SACM1L: variants seen among roughly 807,000 people sequenced by gnomAD.
SACM1L encodes the protein SAC1 like phosphatidylinositide phosphatase, also known as phosphatidylinositol-3-phosphatase SAC1.
SACM1L carries 32 observed loss-of-function variants against 89.5 expected under a neutral mutation model. The ratio of observed to expected loss-of-function variants is 0.36; its 90% CI spans 0.27 to 0.48. The LOEUF (loss-of-function observed/expected upper bound fraction) is 0.48. Among genes scored for constraint, SACM1L ranks in the 20% least tolerant of loss-of-function variants. The pLI, the probability that SACM1L is intolerant of heterozygous loss-of-function variation, is 0.99. For missense variants in SACM1L, 543 were observed against 708.5 expected (o/e 0.77, Z 2.65); for synonymous variants, 213 against 232.8 (o/e 0.92, Z 0.77).
rs1697909241 is a variant in SACM1L at position 45,689,405 on chromosome 3, G to T, written c.-61G>T. Reference sequence around the variant, plus strand: ...TGCCAGGGTGACCGGTAGAGTTGTAGCCGAGGTGGCGGCGCGGGGCGGGGC... The same window carrying T: ...TGCCAGGGTGACCGGTAGAGTTGTATCCGAGGTGGCGGCGCGGGGCGGGGC... On this transcript the variant is annotated 5_prime_UTR_variant, in exon 1 of 20. Coordinates refer to ENST00000389061, the MANE Select transcript of SACM1L (RefSeq NM_014016.5). The T allele has an allele frequency of 7.1e-6, 11 of 1,551,636 alleles. No homozygotes were observed. The highest frequency in any genetic ancestry group is 1.2e-5 in the South Asian group (1 of 84,246).
intron 11 of SACM1L, among the ~76,000 whole-genome samples, chr3:45,727,969 A>G (rs1457110340): frequency 1.3e-5 from 2 of 152,138 alleles, no homozygotes; most frequent in African/African-American, 2.4e-5. Flanking sequence ...TCAGGCGGTC[A>G]TGGTTTGTTG....
At chr3:45,717,414 G>T (rs908470676) in intron 7 of SACM1L, among the ~76,000 whole-genome samples, 1 of 152,182 alleles carries the variant, frequency 6.6e-6, no homozygotes, top group Non-Finnish European at 1.5e-5. Flanking sequence ...GGTTGCATGT[G>T]ATGAAACTAA....
At position 45,739,664 on chromosome 3, in the gene SACM1L, T is replaced by C. The variant is rs1331609177; in HGVS notation, c.1627+20T>C. 1 of 1,611,462 alleles carries C rather than the reference T, an allele frequency of 6.2e-7. No individual in the cohort carries two copies. The highest frequency in any genetic ancestry group is 8.5e-7 in the Non-Finnish European group (1 of 1,177,788). On this transcript the variant is annotated intron_variant, in intron 19 of 19. Coordinates refer to ENST00000389061, the MANE Select transcript of SACM1L (RefSeq NM_014016.5). ...TGGCTGGTAAGTCTGCTCCACACAT[T>C]TGTTTCTTAGTTAGAATGTTGACCT... is the stretch of plus-strand genomic sequence containing the variant.
chr3:45,721,889 C>T lies in SACM1L; in HGVS notation c.680-111C>T, dbSNP rs1211338716. On this transcript the variant is annotated intron_variant, in intron 8 of 19. Coordinates refer to ENST00000389061, the MANE Select transcript of SACM1L (RefSeq NM_014016.5). ...GAATTGTATTTTCATAATGACTTTT[C>T]CACTAACTTGAACTGACTTAATTCT... 5.9e-6 allele frequency: 4 copies of T among 674,448 alleles called. No individual in the cohort carries two copies. In the African/African-American group the frequency reaches 7.5e-5, roughly 13 times the overall value. The allele number at this position is 674,448 out of a possible 1,614,324, so 41.8% of individuals were successfully genotyped here. A position where few individuals can be genotyped will look rare whatever the true frequency, so the allele number is the denominator to read the frequency against.
intron 7 of SACM1L, among the ~76,000 whole-genome samples, chr3:45,719,066 A>G (rs746955275): frequency 3.3e-5 from 5 of 152,124 alleles, no homozygotes; most frequent in Admixed American, 6.5e-5. Context: ...ATTTATAATT[A>G]TGTGTCATGC....
intron 4 of SACM1L, among the ~76,000 whole-genome samples, chr3:45,707,959 A>G (rs1441452749): frequency 1.3e-5 from 2 of 152,140 alleles, no homozygotes; most frequent in Non-Finnish European, 2.9e-5. Flanking sequence ...AGTGTGCTAA[A>G]TATTAGTTTT....
intron 1 of SACM1L, among the ~76,000 whole-genome samples, chr3:45,693,660 A>G (rs11707239): frequency 0.12 from 18,103 of 152,200 alleles, 1,093 homozygotes; most frequent in East Asian, 0.14. Context: ...TCATTGCATT[A>G]TCCATATGAC....
At chr3:45,703,556 G>A in intron 2 of SACM1L, 21 bp downstream of exon 2, 1 of 1,477,340 alleles carries the variant, frequency 6.8e-7, no homozygotes, top group Non-Finnish European at 9.4e-7. Context: ...GCCAGATTTA[G>A]AAGTTTAGGG....
chr3:45,692,067 T>G (rs1698006371), intron 1 of SACM1L, among the ~76,000 whole-genome samples: 1 of 152,212 alleles, frequency 6.6e-6, no homozygotes, highest in Admixed American at 6.5e-5. Flanking sequence ...AGCTTCAAAC[T>G]TGGGTGTTAT....
chr3:45,705,057 A>G, intron 2 of SACM1L, 78 bp from the exon 3 acceptor site: 2 of 884,168 alleles, frequency 2.3e-6, no homozygotes, highest in Non-Finnish European at 3.7e-6. Context: ...CAAAGTAACT[A>G]TTGAAATCGA....
In SACM1L at chr3:45,743,698, T is replaced by G; in HGVS notation, c.*29T>G. ...TGTATTTGTGGAAAGCGGCTTGGCT[T>G]GGAAGATTCCATTGTGCAGAACTGG... is the stretch of plus-strand genomic sequence containing the variant. On this transcript the variant is annotated 3_prime_UTR_variant, in exon 20 of 20. Transcript: ENST00000389061. 6.2e-7 allele frequency: 1 copy of G among 1,604,604 alleles called. No individual in the cohort carries two copies. The highest frequency in any genetic ancestry group is 8.5e-7 in the Non-Finnish European group (1 of 1,175,500).
At position 45,689,465 on chromosome 3, in the gene SACM1L, G is replaced by C. The variant is rs1215911237; in HGVS notation, c.-1G>C. 2.5e-6 allele frequency: 4 copies of C among 1,575,216 alleles called. No homozygotes were observed. The highest frequency in any genetic ancestry group is 1.7e-6 in the Non-Finnish European group (2 of 1,161,328). On this transcript the variant is annotated 5_prime_UTR_variant, in exon 1 of 20. Coordinates refer to ENST00000389061, the MANE Select transcript of SACM1L (RefSeq NM_014016.5). ...GAGAAGGAAGGAGGTGGTTGTGCAGGATGGCGACGGCGGCCTACGAGCAGC... is the reference window on the plus strand; with the variant it reads ...GAGAAGGAAGGAGGTGGTTGTGCAGCATGGCGACGGCGGCCTACGAGCAGC...
In SACM1L at chr3:45,709,658, T is replaced by G; in HGVS notation, c.483+11T>G. On this transcript the variant is annotated intron_variant, in intron 5 of 19. Coordinates refer to ENST00000389061, the MANE Select transcript of SACM1L (RefSeq NM_014016.5). ...AGTCTCTTGGAAAGGGTAAGCTTGATCTTCAATTATTTTTATTTTTAGGTT... is the reference window on the plus strand; with the variant it reads ...AGTCTCTTGGAAAGGGTAAGCTTGAGCTTCAATTATTTTTATTTTTAGGTT... The G allele has an allele frequency of 6.3e-7, 1 of 1,588,364 alleles. No homozygotes were observed. Among genetic ancestry groups the G allele is most frequent in the South Asian group, 1.2e-5 (1 of 85,834 alleles).
chr3:45,699,066 T>C (rs9829631), intron 1 of SACM1L, among the ~76,000 whole-genome samples: 73,431 of 152,036 alleles, frequency 0.48, 18,282 homozygotes, highest in Middle Eastern at 0.57. Flanking sequence ...CCTCTGCGCC[T>C]GGCCTGTAAT....
chr3:45,716,024 A>T (rs1375332915), intron 7 of SACM1L, among the ~76,000 whole-genome samples: 10 of 152,186 alleles, frequency 6.6e-5, no homozygotes, highest in African/African-American at 2.4e-4. Flanking sequence ...TATGTTTCAC[A>T]CACATACAGA....
chr3:45,723,565 G>T, intron 11 of SACM1L, 22 bp downstream of exon 11: 1 of 1,307,144 alleles, frequency 7.7e-7, no homozygotes, highest in Non-Finnish European at 1.0e-6. Flanking sequence ...ATGTTTCTTG[G>T]GGGGAAAAAA....
intron 11 of SACM1L, among the ~76,000 whole-genome samples, chr3:45,729,283 T>TGC (rs71095052): frequency 0.96 from 145,952 of 152,062 alleles, 70,050 homozygotes; most frequent in Middle Eastern, 0.99. Flanking sequence ...GACAGGGTTT[T>TGC]CATGTTGGCC....
At chr3:45,708,978 G>A (rs9834804) in intron 4 of SACM1L, among the ~76,000 whole-genome samples, 167 of 152,278 alleles carry the variant, frequency 1.1e-3, no homozygotes, top group African/African-American at 3.6e-3. Context: ...TAAAGAAAAA[G>A]AATTCCATTT....
At chr3:45,728,467 T>C (rs947017165) in intron 11 of SACM1L, among the ~76,000 whole-genome samples, 1 of 152,154 alleles carries the variant, frequency 6.6e-6, no homozygotes, top group African/African-American at 2.4e-5. Context: ...GCTGTTTTCT[T>C]TGTGGTTACC....
Sources: gnomAD v4.1 joint callset for allele counts (sites outside exome capture counted in the v4.1 genomes callset) on GRCh38, gnomAD v4.1.1 for gene constraint, MANE v1.5 for transcripts, NCBI Gene and HGNC (gene_info 2026-07-23, HGNC 2026-07-21) for gene names.